The following THSD7B variants were observed in gnomAD, a reference collection of about 807,000 sequenced individuals.
THSD7B encodes the protein thrombospondin type-1 domain-containing protein 7B.
Under a neutral mutation model 213.6 loss-of-function variants are expected in THSD7B, and 138 were observed. The ratio of observed to expected loss-of-function variants is 0.65; its 90% CI spans 0.56 to 0.74. THSD7B has a LOEUF of 0.74. THSD7B is among the 30% of genes least tolerant of loss of function. The pLI, the probability that THSD7B is intolerant of heterozygous loss-of-function variation, is 0.00. For missense variants in THSD7B, 1,931 were observed against 1,991.5 expected, an observed-to-expected ratio of 0.97 and a Z score of 0.58; for synonymous variants, 742 against 687.0, an observed-to-expected ratio of 1.08 and a Z score of -1.25.
At chr2:136,987,297 A>C (rs995916232) in intron 2 of THSD7B, among the ~76,000 whole-genome samples, 1 of 152,238 alleles carries the variant, frequency 6.6e-6, no homozygotes, top group African/African-American at 2.4e-5. Context: ...TATATGGGAA[A>C]GTATGCCACA....
chr2:136,974,123 C>G (rs1685444046), intron 2 of THSD7B, among the ~76,000 whole-genome samples: 1 of 152,040 alleles, frequency 6.6e-6, no homozygotes, highest in Admixed American at 6.6e-5. Context: ...ATTGTTACCT[C>G]TATAATATTT....
chr2:136,890,435 TC>T (rs1683814974), intron 2 of THSD7B, among the ~76,000 whole-genome samples: 1 of 4,314 alleles, frequency 2.3e-4, no homozygotes, highest in Non-Finnish European at 5.5e-4. Flanking sequence ...TTCTTCTTCT[TC>T]TTCTTCTTCT....
chr2:136,942,984 G>A (rs1684858781), intron 2 of THSD7B, among the ~76,000 whole-genome samples: 1 of 152,158 alleles, frequency 6.6e-6, no homozygotes, highest in African/African-American at 2.4e-5. Context: ...ATTGGCTGTG[G>A]CTTTGTCATA....
intron 2 of THSD7B, among the ~76,000 whole-genome samples, chr2:137,046,643 T>C (rs565082995): frequency 2.2e-4 from 32 of 145,366 alleles, no homozygotes; most frequent in Admixed American, 5.8e-4. Flanking sequence ...GGCAGGAGAA[T>C]CATTTGAACC....
intron 1 of THSD7B, among the ~76,000 whole-genome samples, chr2:136,825,985 A>G (rs115747828): frequency 0.015 from 2,335 of 152,248 alleles, 54 homozygotes; most frequent in African/African-American, 0.054. Flanking sequence ...ATGCAAGATA[A>G]CATATTCACA....
chr2:137,370,758 C>T (rs968645162), intron 12 of THSD7B, among the ~76,000 whole-genome samples: 12 of 152,044 alleles, frequency 7.9e-5, no homozygotes, highest in South Asian at 2.1e-4. Flanking sequence ...TGTGAGCCAC[C>T]GTGCCCAGCC....
intron 12 of THSD7B, among the ~76,000 whole-genome samples, chr2:137,358,844 T>G (rs948566801): frequency 3.3e-5 from 5 of 152,196 alleles, no homozygotes; most frequent in Non-Finnish European, 7.3e-5. Flanking sequence ...CTTTTCCAAT[T>G]ATCACAACCT....
At chr2:137,436,222 TGATA>T (rs1366622384) in intron 14 of THSD7B, among the ~76,000 whole-genome samples, 3 of 152,168 alleles carry the variant, frequency 2.0e-5, no homozygotes, top group South Asian at 2.1e-4. Flanking sequence ...TGTTTATTTC[TGATA>T]GATAATGGTA....
intron 2 of THSD7B, among the ~76,000 whole-genome samples, chr2:137,018,376 T>A (rs778703807): frequency 3.9e-5 from 6 of 152,126 alleles, no homozygotes; most frequent in African/African-American, 1.2e-4. Context: ...AACAAAGATG[T>A]TAGCAGGTGC....
intron 12 of THSD7B, among the ~76,000 whole-genome samples, chr2:137,282,909 A>T (rs1193209456): frequency 6.6e-6 from 1 of 152,202 alleles, no homozygotes; most frequent in Non-Finnish European, 1.5e-5. Context: ...GTTCCAAATG[A>T]ACTTTAAAGT....
intron 2 of THSD7B, among the ~76,000 whole-genome samples, chr2:136,932,362 G>A (rs116317807): frequency 0.03 from 4,604 of 152,306 alleles, 107 homozygotes; most frequent in South Asian, 0.074. Context: ...AGTCATGGCA[G>A]GAAGATATGG....
intron 7 of THSD7B, among the ~76,000 whole-genome samples, chr2:137,215,501 G>A (rs79514429): frequency 6.6e-6 from 1 of 152,170 alleles, no homozygotes; most frequent in Non-Finnish European, 1.5e-5. Context: ...GTAGATGCTG[G>A]CCTGGAGAGC....
intron 3 of THSD7B, among the ~76,000 whole-genome samples, chr2:137,076,377 G>T (rs1272643590): frequency 6.6e-6 from 1 of 152,218 alleles, no homozygotes; most frequent in African/African-American, 2.4e-5. Context: ...GTTGGTGTAG[G>T]ACCCTCCGAG....
chr2:136,835,128 G>T (rs1326059580), intron 1 of THSD7B, among the ~76,000 whole-genome samples: 2 of 152,108 alleles, frequency 1.3e-5, no homozygotes, highest in African/African-American at 4.8e-5. Context: ...CTAATTATCA[G>T]GACTCTATTT....
chr2:136,805,426 G>A (rs1177033167), intron 1 of THSD7B, among the ~76,000 whole-genome samples: 2 of 152,214 alleles, frequency 1.3e-5, no homozygotes, highest in African/African-American at 4.8e-5. Flanking sequence ...TCTGTTTCAT[G>A]AATCTAAATG....
chr2:136,937,674 C>G (rs1286478507), intron 2 of THSD7B, among the ~76,000 whole-genome samples: 1 of 152,070 alleles, frequency 6.6e-6, no homozygotes, highest in Non-Finnish European at 1.5e-5. Flanking sequence ...TATTAACTGT[C>G]ATTTCTATTC....
At chr2:137,647,421 T>TC (rs1683054335) in intron 21 of THSD7B, among the ~76,000 whole-genome samples, 10 of 84,504 alleles carry the variant, frequency 1.2e-4, no homozygotes, top group Non-Finnish European at 2.3e-4. Context: ...CTCTGTCTCT[T>TC]TCTCTCTCTC....
At chr2:137,021,545 C>T (rs1686446052) in intron 2 of THSD7B, among the ~76,000 whole-genome samples, 1 of 152,096 alleles carries the variant, frequency 6.6e-6, no homozygotes, top group Non-Finnish European at 1.5e-5. Flanking sequence ...AAAAATTAAA[C>T]TATTTATTTT....
At chr2:137,296,517 T>C (rs1683467048) in intron 12 of THSD7B, among the ~76,000 whole-genome samples, 1 of 152,158 alleles carries the variant, frequency 6.6e-6, no homozygotes, top group Non-Finnish European at 1.5e-5. Context: ...TTTTGGATTC[T>C]GGTAATGAGA....
Sources: gnomAD v4.1 joint callset for allele counts (sites outside exome capture counted in the v4.1 genomes callset) on GRCh38, gnomAD v4.1.1 for gene constraint, MANE v1.5 for transcripts, NCBI Gene and HGNC (gene_info 2026-07-23, HGNC 2026-07-21) for gene names.